Variants in HS3ST4 observed in about 807,000 individuals in gnomAD.
The protein encoded by HS3ST4 is heparan sulfate glucosamine 3-O-sulfotransferase 4.
In HS3ST4, 17 loss-of-function variants were observed where a neutral mutation model predicts 29.2. That is an observed-to-expected ratio of 0.58 (90% confidence interval 0.40 to 0.87). The LOEUF (loss-of-function observed/expected upper bound fraction) is 0.87. Ranked by LOEUF, HS3ST4 falls within the 40% of genes least tolerant of loss-of-function variation. The pLI, the probability that HS3ST4 is intolerant of heterozygous loss-of-function variation, is 0.00. For synonymous variants in HS3ST4, 314 were observed against 285.7 expected, an observed-to-expected ratio of 1.10 and a Z score of -1.00; for missense variants, 627 against 634.5, an observed-to-expected ratio of 0.99 and a Z score of 0.13.
intron 1 of HS3ST4, among the ~76,000 whole-genome samples, chr16:25,791,152 C>A (rs1209396715): frequency 6.6e-6 from 1 of 151,878 alleles, no homozygotes; most frequent in Non-Finnish European, 1.5e-5. Context: ...AATCCACTTT[C>A]CCCGCATTGC....
At chr16:25,954,552 G>A (rs1363636782) in intron 1 of HS3ST4, among the ~76,000 whole-genome samples, 1 of 152,210 alleles carries the variant, frequency 6.6e-6, no homozygotes, top group East Asian at 1.9e-4. Flanking sequence ...GAACACTGAT[G>A]TCTGATTCCA....
chr16:26,109,718 GTTT>G (rs56102785), intron 1 of HS3ST4, among the ~76,000 whole-genome samples: 5,810 of 147,240 alleles, frequency 0.039, 353 homozygotes, highest in African/African-American at 0.13. Context: ...TATACTCACT[GTTT>G]TTTTTTTTTT....
chr16:25,788,991 T>G (rs1465673701), intron 1 of HS3ST4, among the ~76,000 whole-genome samples: 1 of 152,166 alleles, frequency 6.6e-6, no homozygotes, highest in Non-Finnish European at 1.5e-5. Flanking sequence ...TCAAGTCTCA[T>G]TGGCCCAATT....
chr16:25,795,881 T>G (rs1010025085), intron 1 of HS3ST4, among the ~76,000 whole-genome samples: 2 of 152,180 alleles, frequency 1.3e-5, no homozygotes, highest in Non-Finnish European at 2.9e-5. Flanking sequence ...CCTAGAACAC[T>G]TCTCGCTGGC....
intron 1 of HS3ST4, among the ~76,000 whole-genome samples, chr16:25,993,573 A>C (rs1969131745): frequency 6.6e-6 from 1 of 151,922 alleles, no homozygotes; most frequent in South Asian, 2.1e-4. Context: ...GAGACCTGGG[A>C]CTTGTCATTT....
At chr16:25,885,759 A>G (rs1415162106) in intron 1 of HS3ST4, among the ~76,000 whole-genome samples, 3 of 151,924 alleles carry the variant, frequency 2.0e-5, no homozygotes. Flanking sequence ...TAGTATCTTT[A>G]GTTTGACTCT....
At chr16:25,975,327 A>G (rs1968934224) in intron 1 of HS3ST4, among the ~76,000 whole-genome samples, 1 of 152,018 alleles carries the variant, frequency 6.6e-6, no homozygotes, top group South Asian at 2.1e-4. Flanking sequence ...TAAGGATGGA[A>G]AAATTACTTA....
At chr16:25,733,998 T>C (rs1966589435) in intron 1 of HS3ST4, among the ~76,000 whole-genome samples, 1 of 152,176 alleles carries the variant, frequency 6.6e-6, no homozygotes, top group Non-Finnish European at 1.5e-5. Flanking sequence ...GCACCTGTAG[T>C]CCCAGCTACT....
Position 25,924,112 on chromosome 16 carries a change from G to A in HS3ST4, c.735-211500G>A, listed in dbSNP as rs1968380517. Among the ~76,000 whole-genome samples, 4 of 152,080 alleles carry A rather than the reference G, an allele frequency of 2.6e-5. No individual in the cohort carries two copies. In the South Asian group the frequency reaches 8.3e-4, roughly 32 times the overall value. ...CTCATAACCTTTCCCATACAACTGAGCCCACTATCTGGCATCCACTGTCTC... is the reference window on the plus strand; with the variant it reads ...CTCATAACCTTTCCCATACAACTGAACCCACTATCTGGCATCCACTGTCTC... On this transcript the variant is annotated intron_variant, in intron 1 of 1. Coordinates refer to ENST00000331351, the MANE Select transcript of HS3ST4 (RefSeq NM_006040.3).
Position 25,888,935 on chromosome 16 carries a change from A to T in HS3ST4, c.734+195784A>T, listed in dbSNP as rs1451579953. Among the ~76,000 whole-genome samples, 4 of 152,284 alleles carry T rather than the reference A, an allele frequency of 2.6e-5. No homozygotes were observed. The East Asian group carries it at 7.7e-4, about 29-fold the overall frequency. Reference sequence around the variant, plus strand: ...TGGTTCCAAATTCCCAGTCATGGCAACCATCCCCCTTCCTGAGCCAGACCT... The same window carrying T: ...TGGTTCCAAATTCCCAGTCATGGCATCCATCCCCCTTCCTGAGCCAGACCT... On this transcript the variant is annotated intron_variant, in intron 1 of 1. Transcript: ENST00000331351.
In HS3ST4 at chr16:26,063,842, T is replaced by G. The variant is rs111777219; in HGVS notation, c.735-71770T>G. 2.8e-3 allele frequency among the ~76,000 whole-genome samples: 420 copies of G among 152,312 alleles called. 1 individual carries two copies. Among genetic ancestry groups the G allele is most frequent in the Middle Eastern group, 0.017 (5 of 294 alleles). On this transcript the variant is annotated intron_variant, in intron 1 of 1. Coordinates refer to ENST00000331351, the MANE Select transcript of HS3ST4 (RefSeq NM_006040.3). Reference sequence around the variant, plus strand: ...GATTGCATGGGCCGGGGACACAGAATGTTGTTTGGATGCCAGTAATGAACC... The same window carrying G: ...GATTGCATGGGCCGGGGACACAGAAGGTTGTTTGGATGCCAGTAATGAACC...
intron 1 of HS3ST4, among the ~76,000 whole-genome samples, chr16:25,823,457 C>T (rs566834899): frequency 6.6e-6 from 1 of 152,342 alleles, no homozygotes; most frequent in African/African-American, 2.4e-5. Flanking sequence ...CATTATACAA[C>T]TCCTCCCCAC....
At chr16:25,825,285 C>T (rs1967203818) in intron 1 of HS3ST4, 1 of 152,232 alleles carries the variant, frequency 6.6e-6, no homozygotes, top group African/African-American at 2.4e-5. Context: ...TTGTACTTCT[C>T]AGCTCCAGAA....
chr16:26,035,876 G>A (rs968553006), intron 1 of HS3ST4, among the ~76,000 whole-genome samples: 14 of 152,208 alleles, frequency 9.2e-5, no homozygotes, highest in African/African-American at 3.1e-4. Context: ...GGAGCTGAAA[G>A]TCAAGTCAAC....
rs112895115 is a variant in HS3ST4, at chr16:25,898,455, A to T, written c.734+205304A>T. Among the ~76,000 whole-genome samples the T allele has an allele frequency of 5.7e-3, 869 of 152,290 alleles. 4 individuals carry two copies. Among genetic ancestry groups the T allele is most frequent in the African/African-American group, 0.019 (782 of 41,568 alleles). On this transcript the variant is annotated intron_variant, in intron 1 of 1. Coordinates refer to ENST00000331351, the MANE Select transcript of HS3ST4 (RefSeq NM_006040.3). The stretch of plus-strand genomic sequence containing the variant: ...TTTCCCAAACTTTCCCTTCTTGCAG[A>T]TCAGCTTCATGGTTTTACGATGTAA...
intron 1 of HS3ST4, among the ~76,000 whole-genome samples, chr16:25,742,118 C>G (rs1966657973): frequency 6.6e-6 from 1 of 152,038 alleles, no homozygotes; most frequent in African/African-American, 2.4e-5. Context: ...TTGAAAAATC[C>G]AGGGAATATA....
intron 1 of HS3ST4, among the ~76,000 whole-genome samples, chr16:26,009,368 C>A (rs372617214): frequency 9.9e-5 from 15 of 152,222 alleles, no homozygotes; most frequent in East Asian, 7.7e-4. Context: ...ACTCATTGTT[C>A]TATCTCTAGC....
At chr16:25,897,963 T>G (rs1968086700) in intron 1 of HS3ST4, among the ~76,000 whole-genome samples, 1 of 152,080 alleles carries the variant, frequency 6.6e-6, no homozygotes, top group Non-Finnish European at 1.5e-5. Flanking sequence ...GCTTGGGGAT[T>G]TTTATGTGTG....
intron 1 of HS3ST4, among the ~76,000 whole-genome samples, chr16:25,881,747 G>A (rs1325144853): frequency 6.6e-6 from 1 of 152,108 alleles, no homozygotes; most frequent in Non-Finnish European, 1.5e-5. Context: ...GTGTAGGACT[G>A]GCCAGAATGG....
Sources: gnomAD v4.1 joint callset for allele counts (sites outside exome capture counted in the v4.1 genomes callset) on GRCh38, gnomAD v4.1.1 for gene constraint, MANE v1.5 for transcripts, NCBI Gene and HGNC (gene_info 2026-07-23, HGNC 2026-07-21) for gene names.